The following KATNIP variants were observed in gnomAD, a reference collection of about 807,000 sequenced individuals.
KATNIP encodes the protein katanin interacting protein, also known as katanin-interacting protein.
In KATNIP, 126 loss-of-function variants were observed where a neutral mutation model predicts 174.0. The ratio of observed to expected loss-of-function variants is 0.72; its 90% CI spans 0.63 to 0.84. KATNIP has a LOEUF of 0.84. Among genes scored for constraint, KATNIP ranks in the 40% least tolerant of loss-of-function variants. The probability of loss-of-function intolerance (pLI) is 0.00; values close to 1 mark genes in which losing one functional copy is unlikely to be tolerated. For synonymous variants in KATNIP, 810 were observed against 835.7 expected, an observed-to-expected ratio of 0.97 and a Z score of 0.53; for missense variants, 1,958 against 2,109.7, an observed-to-expected ratio of 0.93 and a Z score of 1.41.
Position 27,698,406 on chromosome 16 carries a change from C to G in KATNIP, c.1019C>G (p.Ala340Gly). 6.2e-7 allele frequency: 1 copy of G among 1,613,740 alleles called. No individual in the cohort carries two copies. The highest frequency in any genetic ancestry group is 1.3e-5 in the African/African-American group (1 of 75,066). Residue 340 changes from alanine to glycine, a missense_variant, in exon 9 of 28, where the codon GCC (alanine) becomes GGC (glycine). Ala to Gly is a moderately conservative substitution (Grantham distance 60). Coordinates refer to ENST00000261588, the MANE Select transcript of KATNIP (RefSeq NM_015202.5). ...GAGGCTGAGTACCCAGAGGAAGATG[C>G]CTCTGCTGTGCTCCAAGCCATCCAG... ...LCEAEYPEED[A>G]SAVLQAIQVE...
At chr16:27,685,948 G>T (rs1009627329) in intron 8 of KATNIP, among the ~76,000 whole-genome samples, 1 of 152,140 alleles carries the variant, frequency 6.6e-6, no homozygotes, top group South Asian at 2.1e-4. Context: ...TTATACAGAT[G>T]ACCTCATACA....
intron 6 of KATNIP, among the ~76,000 whole-genome samples, chr16:27,667,072 G>A (rs539389354): frequency 1.5e-4 from 23 of 152,226 alleles, no homozygotes; most frequent in African/African-American, 5.1e-4. Flanking sequence ...TATAATCCCA[G>A]TACTTTTGGA....
chr16:27,580,065 C>T (rs1229123534), intron 2 of KATNIP, among the ~76,000 whole-genome samples: 6 of 152,144 alleles, frequency 3.9e-5, no homozygotes, highest in Non-Finnish European at 8.8e-5. Flanking sequence ...CACAGACACA[C>T]CTCTGCTCTC....
At chr16:27,756,419 C>A (rs774323403) in intron 18 of KATNIP, among the ~76,000 whole-genome samples, 1 of 152,216 alleles carries the variant, frequency 6.6e-6, no homozygotes, top group Non-Finnish European at 1.5e-5. Context: ...ACACTCCTAG[C>A]TCTGTTTTCC....
intron 13 of KATNIP, chr16:27,709,218 G>T: frequency 3.2e-6 from 1 of 308,702 alleles, no homozygotes; most frequent in Non-Finnish European, 6.1e-6. Flanking sequence ...TACTTGGAAA[G>T]CTGAGGTGGG....
chr16:27,560,592 G>T (rs868734445), intron 1 of KATNIP, among the ~76,000 whole-genome samples: 1 of 152,094 alleles, frequency 6.6e-6, no homozygotes, highest in Non-Finnish European at 1.5e-5. Flanking sequence ...GTCTTCTTTC[G>T]CACCTCGCTG....
intron 14 of KATNIP, among the ~76,000 whole-genome samples, chr16:27,736,557 A>G (rs2080904130): frequency 1.3e-5 from 2 of 152,236 alleles, no homozygotes; most frequent in Non-Finnish European, 1.5e-5. Flanking sequence ...CATCTGCGGC[A>G]GAACACGCCA....
chr16:27,742,820 AT>A (rs1296877701), intron 15 of KATNIP, among the ~76,000 whole-genome samples: 4 of 150,526 alleles, frequency 2.7e-5, no homozygotes, highest in African/African-American at 9.9e-5. Context: ...CAAGGCATGC[AT>A]TTTTTTTTCT....
At chr16:27,699,796 T>G (rs2079036885) in intron 10 of KATNIP, among the ~76,000 whole-genome samples, 197 bp downstream of exon 10, 1 of 152,196 alleles carries the variant, frequency 6.6e-6, no homozygotes, top group South Asian at 2.1e-4. Context: ...ATTTCACAGA[T>G]CGGGAGACCA....
intron 6 of KATNIP, among the ~76,000 whole-genome samples, chr16:27,659,416 G>A (rs2077396773): frequency 6.6e-6 from 1 of 151,770 alleles, no homozygotes; most frequent in Admixed American, 6.6e-5. Flanking sequence ...AGGCTGAGGT[G>A]GGAAGATTGC....
chr16:27,609,642 A>G (rs2075828046), intron 2 of KATNIP, among the ~76,000 whole-genome samples: 1 of 150,360 alleles, frequency 6.7e-6, no homozygotes, highest in Admixed American at 6.6e-5. Context: ...CGCCCACCTC[A>G]GCCTCCCAAA....
intron 2 of KATNIP, among the ~76,000 whole-genome samples, chr16:27,617,851 C>T (rs2076085707): frequency 2.0e-5 from 3 of 152,138 alleles, no homozygotes; most frequent in Non-Finnish European, 4.4e-5. Flanking sequence ...CCTCCCCCTT[C>T]AGCCCCCGCC....
intron 5 of KATNIP, among the ~76,000 whole-genome samples, chr16:27,636,384 C>G (rs954414056): frequency 1.3e-5 from 2 of 152,176 alleles, no homozygotes; most frequent in Non-Finnish European, 2.9e-5. Flanking sequence ...GCTATGATTT[C>G]TCTTATCTCG....
In KATNIP at chr16:27,754,211, C is replaced by G. The variant is rs752759496; in HGVS notation, c.3591C>G (p.Pro1197=). The change falls in exon 18 of 28, where the codon CCC becomes CCG. Residue 1197 remains proline (P), a synonymous_variant. Coordinates refer to ENST00000261588, the MANE Select transcript of KATNIP (RefSeq NM_015202.5). The part of the protein sequence containing the change: ...ELELPSSSPV[P]QVTTPEPGIY... ...AGCTCCCATCCAGTTCCCCTGTCCC[C>G]CAAGTCACCACGCCAGAGCCAGGCA... 2 of 1,614,222 alleles carry G rather than the reference C, an allele frequency of 1.2e-6. No individual in the cohort carries two copies. Among genetic ancestry groups the G allele is most frequent in the South Asian group, 1.1e-5 (1 of 91,084 alleles).
intron 5 of KATNIP, among the ~76,000 whole-genome samples, chr16:27,639,399 G>A (rs1438032509): frequency 2.0e-5 from 3 of 152,192 alleles, no homozygotes; most frequent in African/African-American, 7.2e-5. Context: ...TGCTATCTGT[G>A]GATTAAGATT....
chr16:27,680,629 C>T (rs1182967012), intron 7 of KATNIP, among the ~76,000 whole-genome samples: 1 of 152,148 alleles, frequency 6.6e-6, no homozygotes. Context: ...TGGGAGGGAT[C>T]CTCCTGCCAC....
chr16:27,627,623 G>A (rs956036166), intron 3 of KATNIP, among the ~76,000 whole-genome samples: 9 of 152,308 alleles, frequency 5.9e-5, no homozygotes, highest in East Asian at 5.8e-4. Flanking sequence ...TAGACCGCTC[G>A]TACTGCGAAT....
intron 6 of KATNIP, among the ~76,000 whole-genome samples, chr16:27,658,193 G>A (rs892234888): frequency 6.6e-6 from 1 of 152,198 alleles, no homozygotes; most frequent in Non-Finnish European, 1.5e-5. Flanking sequence ...ACGTCCTTAT[G>A]TGACTATAAT....
chr16:27,697,508 T>A (rs1298168426), intron 8 of KATNIP, among the ~76,000 whole-genome samples: 4 of 151,872 alleles, frequency 2.6e-5, no homozygotes, highest in Non-Finnish European at 5.9e-5. Context: ...GCTTCCACCC[T>A]TCACCCACAT....
Sources: allele counts gnomAD v4.1 joint callset (sites outside exome capture counted in the v4.1 genomes callset), GRCh38; gene constraint gnomAD v4.1.1; transcripts MANE v1.5; gene names NCBI Gene and HGNC (gene_info 2026-07-23, HGNC 2026-07-21).